The following ENOX1 variants were observed in gnomAD, a reference collection of about 807,000 sequenced individuals.
ENOX1 encodes candidate growth-related and time keeping constitutive hydroquinone (NADH) oxidase.
ENOX1 carries 42 observed loss-of-function variants against 82.5 expected under a neutral mutation model. The ratio of observed to expected loss-of-function variants is 0.51; its 90% CI spans 0.40 to 0.66. ENOX1 has a LOEUF of 0.66. Ranked by LOEUF, ENOX1 falls within the 30% of genes least tolerant of loss-of-function variation. ENOX1 has a pLI of 0.00. For synonymous variants in ENOX1, 271 were observed against 282.2 expected, an observed-to-expected ratio of 0.96 and a Z score of 0.40; for missense variants, 608 against 811.6, an observed-to-expected ratio of 0.75 and a Z score of 3.05.
At chr13:43,625,233 G>C (rs779556179) in intron 2 of ENOX1, among the ~76,000 whole-genome samples, 1 of 151,906 alleles carries the variant, frequency 6.6e-6, no homozygotes, top group Non-Finnish European at 1.5e-5. Context: ...TTGCAACCTT[G>C]CTGAGCTAAC....
intron 1 of ENOX1, among the ~76,000 whole-genome samples, chr13:43,751,695 T>C (rs1252399438): frequency 6.6e-6 from 1 of 152,168 alleles, no homozygotes; most frequent in African/African-American, 2.4e-5. Flanking sequence ...TCATACACAG[T>C]GTATGAATCA....
chr13:43,427,741 C>T (rs2055409088), intron 3 of ENOX1, among the ~76,000 whole-genome samples: 1 of 152,102 alleles, frequency 6.6e-6, no homozygotes, highest in East Asian at 1.9e-4. Context: ...CTAAAAAGTA[C>T]CAGCAGACAT....
intron 1 of ENOX1, among the ~76,000 whole-genome samples, chr13:43,768,802 A>G (rs1409308495): frequency 6.6e-6 from 1 of 152,184 alleles, no homozygotes; most frequent in Non-Finnish European, 1.5e-5. Flanking sequence ...TTCACAAGTA[A>G]GCCTGTTCAC....
At chr13:43,281,773 C>T (rs2045398668) in intron 12 of ENOX1, among the ~76,000 whole-genome samples, 1 of 152,048 alleles carries the variant, frequency 6.6e-6, no homozygotes, top group Non-Finnish European at 1.5e-5. Flanking sequence ...GGGATAACAC[C>T]AAGGTTAGTG....
At chr13:43,778,198 A>G (rs1438625958) in intron 1 of ENOX1, among the ~76,000 whole-genome samples, 1 of 152,264 alleles carries the variant, frequency 6.6e-6, no homozygotes, top group Non-Finnish European at 1.5e-5. Flanking sequence ...TGGGACAATT[A>G]GAAGCCTGCC....
At chr13:43,569,548 A>T (rs2080078978) in intron 2 of ENOX1, among the ~76,000 whole-genome samples, 1 of 152,036 alleles carries the variant, frequency 6.6e-6, no homozygotes, top group Admixed American at 6.6e-5. Flanking sequence ...TCCCAGTGAC[A>T]CTCTCAGAAG....
intron 3 of ENOX1, among the ~76,000 whole-genome samples, chr13:43,423,045 G>A (rs1289911791): frequency 2.0e-5 from 3 of 152,300 alleles, no homozygotes; most frequent in South Asian, 2.1e-4. Flanking sequence ...CATATCCTCT[G>A]TGGGGAAGGG....
At chr13:43,323,872 A>G (rs1462511897) in intron 10 of ENOX1, among the ~76,000 whole-genome samples, 2 of 152,222 alleles carry the variant, frequency 1.3e-5, no homozygotes, top group African/African-American at 4.8e-5. Flanking sequence ...GATTTTAACT[A>G]CAGCATGATG....
At chr13:43,424,788 T>C (rs1030683843) in intron 3 of ENOX1, among the ~76,000 whole-genome samples, 3 of 152,144 alleles carry the variant, frequency 2.0e-5, no homozygotes, top group African/African-American at 7.2e-5. Context: ...CCTGTGATGG[T>C]CCTTTTTGCT....
intron 2 of ENOX1, among the ~76,000 whole-genome samples, chr13:43,553,512 T>A (rs986974953): frequency 8.5e-5 from 13 of 152,318 alleles, no homozygotes; most frequent in African/African-American, 2.9e-4. Context: ...CCTTATCCCT[T>A]TTTGATGTCA....
At chr13:43,683,685 G>GT (rs2085912331) in intron 1 of ENOX1, among the ~76,000 whole-genome samples, 2 of 152,144 alleles carry the variant, frequency 1.3e-5, no homozygotes, top group Non-Finnish European at 2.9e-5. Context: ...CAGCACAGGG[G>GT]TATGTGCCCT....
chr13:43,482,593 A>C (rs1312193575), intron 3 of ENOX1, among the ~76,000 whole-genome samples: 4 of 152,146 alleles, frequency 2.6e-5, no homozygotes, highest in Non-Finnish European at 4.4e-5. Context: ...GTATGGACTT[A>C]AAAATTTGTT....
At chr13:43,346,597 C>T (rs987556486) in intron 8 of ENOX1, among the ~76,000 whole-genome samples, 1 of 152,168 alleles carries the variant, frequency 6.6e-6, no homozygotes, top group East Asian at 1.9e-4. Flanking sequence ...TAAGTTCAAC[C>T]CTCAGTGAAC....
intron 5 of ENOX1, among the ~76,000 whole-genome samples, chr13:43,384,993 C>G (rs930180420): frequency 7.3e-5 from 11 of 151,718 alleles, no homozygotes; most frequent in African/African-American, 2.7e-4. Context: ...GTAGAAAGCT[C>G]AGGGAAAAAA....
chr13:43,406,618 G>A (rs985618370), intron 5 of ENOX1, among the ~76,000 whole-genome samples: 6 of 150,556 alleles, frequency 4.0e-5, no homozygotes, highest in African/African-American at 7.3e-5. Flanking sequence ...TCAGCCTCCC[G>A]AGTAGCTGGG....
intron 8 of ENOX1, among the ~76,000 whole-genome samples, chr13:43,350,964 T>C (rs1335175321): frequency 1.3e-5 from 2 of 152,228 alleles, no homozygotes; most frequent in Non-Finnish European, 2.9e-5. Context: ...AAAATGCTTT[T>C]CTTTCCAAAG....
At chr13:43,630,835 C>CAA in intron 2 of ENOX1, among the ~76,000 whole-genome samples, 1 of 134,408 alleles carries the variant, frequency 7.4e-6, no homozygotes, top group East Asian at 2.1e-4. Flanking sequence ...ATACATACAA[C>CAA]CACACACACA....
intron 1 of ENOX1, among the ~76,000 whole-genome samples, chr13:43,763,432 C>T (rs902482069): frequency 6.6e-6 from 1 of 152,120 alleles, no homozygotes; most frequent in Non-Finnish European, 1.5e-5. Flanking sequence ...ATCTAATTAC[C>T]GGTGGATTAG....
chr13:43,526,339 C>T (rs994891186), intron 2 of ENOX1, among the ~76,000 whole-genome samples: 6 of 152,136 alleles, frequency 3.9e-5, no homozygotes, highest in African/African-American at 1.4e-4. Context: ...ACCTCCACAT[C>T]TTCCACTTAA....
Sources: allele counts gnomAD v4.1 joint callset (sites outside exome capture counted in the v4.1 genomes callset), GRCh38; gene constraint gnomAD v4.1.1; transcripts MANE v1.5; gene names NCBI Gene and HGNC (gene_info 2026-07-23, HGNC 2026-07-21).